Variants in TSHZ1 observed in about 807,000 individuals in gnomAD.
TSHZ1 encodes the protein teashirt zinc finger homeobox 1.
In TSHZ1, 12 loss-of-function variants were observed where a neutral mutation model predicts 67.1. The ratio of observed to expected loss-of-function variants is 0.18; its 90% CI spans 0.11 to 0.29. The LOEUF (loss-of-function observed/expected upper bound fraction) is 0.29, where lower values mean the gene tolerates loss of function less well. TSHZ1 is among the 10% of genes least tolerant of loss of function. The pLI, the probability that TSHZ1 is intolerant of heterozygous loss-of-function variation, is 1.00. For missense variants in TSHZ1, 1,305 were observed against 1,413.9 expected (o/e 0.92, Z 1.23); for synonymous variants, 632 against 622.4 (o/e 1.02, Z -0.23).
intron 1 of TSHZ1, among the ~76,000 whole-genome samples, chr18:75,234,994 T>A (rs1400283180): frequency 6.6e-6 from 1 of 152,206 alleles, no homozygotes; most frequent in Non-Finnish European, 1.5e-5. Flanking sequence ...TCATTAGTTT[T>A]TCTTTTTTTC....
chr18:75,236,815 C>T (rs1167152717), intron 1 of TSHZ1, among the ~76,000 whole-genome samples: 1 of 152,096 alleles, frequency 6.6e-6, no homozygotes, highest in Non-Finnish European at 1.5e-5. Flanking sequence ...TAGAGTGAGG[C>T]TTACGGAATT....
chr18:75,275,945 C>T (rs1376050980), intron 1 of TSHZ1, among the ~76,000 whole-genome samples: 5 of 152,184 alleles, frequency 3.3e-5, no homozygotes, highest in African/African-American at 1.2e-4. Context: ...TTTTAAGATT[C>T]TCATATAATG....
At chr18:75,279,839 T>C (rs1268550267) in intron 1 of TSHZ1, among the ~76,000 whole-genome samples, 1 of 152,268 alleles carries the variant, frequency 6.6e-6, no homozygotes, top group Non-Finnish European at 1.5e-5. Flanking sequence ...GACTGCTGGC[T>C]GTGGCTGTGG....
At chr18:75,213,821 C>T (rs774937921) in intron 1 of TSHZ1, among the ~76,000 whole-genome samples, 17 of 151,938 alleles carry the variant, frequency 1.1e-4, no homozygotes, top group Admixed American at 6.6e-5. Flanking sequence ...CTTAGTGTTT[C>T]CATTCTTTCC....
At chr18:75,273,652 T>C (rs1162023860) in intron 1 of TSHZ1, among the ~76,000 whole-genome samples, 1 of 152,232 alleles carries the variant, frequency 6.6e-6, no homozygotes, top group Admixed American at 6.5e-5. Context: ...TCACACATTG[T>C]TGGTGTCATA....
chr18:75,232,520 T>G (rs1251889123), intron 1 of TSHZ1, among the ~76,000 whole-genome samples: 1 of 152,240 alleles, frequency 6.6e-6, no homozygotes, highest in African/African-American at 2.4e-5. Context: ...GAGAGATATA[T>G]ATATCTTATT....
chr18:75,225,447 G>T (rs1055619414), intron 1 of TSHZ1, among the ~76,000 whole-genome samples: 1 of 152,208 alleles, frequency 6.6e-6, no homozygotes, highest in Non-Finnish European at 1.5e-5. Context: ...GCCTGTCCAC[G>T]CCGCTTTCTT....
At chr18:75,223,072 C>G (rs2022870069) in intron 1 of TSHZ1, among the ~76,000 whole-genome samples, 1 of 152,174 alleles carries the variant, frequency 6.6e-6, no homozygotes, top group African/African-American at 2.4e-5. Flanking sequence ...TACTTGATAT[C>G]TCATGATGGG....
chr18:75,240,496 C>T (rs146166476), intron 1 of TSHZ1, among the ~76,000 whole-genome samples: 1,999 of 152,256 alleles, frequency 0.013, 17 homozygotes, highest in South Asian at 0.022. Context: ...GTGCCGCGTC[C>T]TGCAGTGGGT....
chr18:75,286,195 T>C lies in TSHZ1; in HGVS notation c.788T>C (p.Val263Ala). ...AAYDTLVELT[V>A]HMNETGHYRD... is the part of the protein sequence containing the mutation. ...TACGACACGCTGGTGGAACTGACGG[T>C]GCACATGAACGAGACAGGCCACTAC... is the stretch of plus-strand genomic sequence containing the variant. Residue 263 changes from valine to alanine, a missense_variant, in exon 2 of 2, where the codon GTG becomes GCG. Around this residue, in one of 3 missense-constraint regions of TSHZ1, gnomAD observed 358 missense variants for 375.6 expected, o/e 0.95. Transcript: ENST00000580243. This position sits in a 1 kb window ranked among gnomAD's most constrained non-coding sequence, Gnocchi z 5.1. The C allele has an allele frequency of 6.2e-7, 1 of 1,613,538 alleles. No homozygotes were observed. The highest frequency in any genetic ancestry group is 8.5e-7 in the Non-Finnish European group (1 of 1,179,850).
Position 75,285,870 on chromosome 18 carries a change from G to GCCCCCCCCCCCCCCCC in TSHZ1, c.468_469insCCCCCCCCCCCCCCCC (p.Thr157ProfsTer68). 3 of 1,581,556 alleles carry GCCCCCCCCCCCCCCCC rather than the reference G, an allele frequency of 1.9e-6. No homozygotes were observed. Among genetic ancestry groups the GCCCCCCCCCCCCCCCC allele is most frequent in the Admixed American group, 1.8e-5 (1 of 56,850 alleles). On this transcript the variant is annotated frameshift_variant, in exon 2 of 2. Transcript: ENST00000580243. LOFTEE classifies it high-confidence loss of function. Reference sequence around the variant, plus strand: ...CGATGCCAGCCAGAAGGAGAGCTCCGCCCCCACCCCCACACCCCCCACCTG... The same window carrying GCCCCCCCCCCCCCCCC: ...CGATGCCAGCCAGAAGGAGAGCTCCGCCCCCCCCCCCCCCCCCCCCCACCCCCACACCCCCCACCTG...
intron 1 of TSHZ1, among the ~76,000 whole-genome samples, chr18:75,218,767 C>G (rs1249996167): frequency 3.3e-5 from 5 of 152,212 alleles, no homozygotes; most frequent in African/African-American, 1.2e-4. Context: ...GGACAAGGCT[C>G]AAGTTCACAA....
At chr18:75,249,528 G>T (rs1232091935) in intron 1 of TSHZ1, among the ~76,000 whole-genome samples, 1 of 151,948 alleles carries the variant, frequency 6.6e-6, no homozygotes. Context: ...CCCTGAAGTA[G>T]GTAGGGGCAG....
intron 1 of TSHZ1, among the ~76,000 whole-genome samples, chr18:75,243,890 A>G (rs762824134): frequency 3.3e-5 from 5 of 152,176 alleles, no homozygotes; most frequent in Non-Finnish European, 5.9e-5. Flanking sequence ...ATAACACAAC[A>G]TGTACGTCCT....
intron 1 of TSHZ1, among the ~76,000 whole-genome samples, chr18:75,238,069 G>A (rs1486300534): frequency 1.3e-5 from 2 of 152,150 alleles, no homozygotes; most frequent in South Asian, 2.1e-4. Context: ...CCAAAGTGCT[G>A]GGATTACAAG....
chr18:75,279,518 G>A (rs1263257445), intron 1 of TSHZ1, among the ~76,000 whole-genome samples: 1 of 152,166 alleles, frequency 6.6e-6, no homozygotes, highest in African/African-American at 2.4e-5. Context: ...CCTCCCATGG[G>A]AAGGCTGGAT....
intron 1 of TSHZ1, among the ~76,000 whole-genome samples, chr18:75,280,975 C>A (rs1285452823): frequency 6.6e-6 from 1 of 152,130 alleles, no homozygotes; most frequent in Admixed American, 6.5e-5. Context: ...ACTGGGCACT[C>A]CCCTGCAGGG....
chr18:75,239,634 G>A (rs72969719), intron 1 of TSHZ1, among the ~76,000 whole-genome samples: 9,829 of 152,192 alleles, frequency 0.065, 459 homozygotes, highest in East Asian at 0.25. Context: ...CCATGTAGCT[G>A]GGACCGCAGA....
At chr18:75,249,109 C>A (rs1025511160) in intron 1 of TSHZ1, among the ~76,000 whole-genome samples, 3 of 152,150 alleles carry the variant, frequency 2.0e-5, no homozygotes, top group East Asian at 1.9e-4. Context: ...TCCTGCCTAC[C>A]CGGGGCTCTG....
Sources: allele counts gnomAD v4.1 joint callset (sites outside exome capture counted in the v4.1 genomes callset), GRCh38; gene constraint gnomAD v4.1.1; regional missense constraint gnomAD v4.1.1; non-coding constraint Gnocchi (gnomAD v3.1); transcripts MANE v1.5; gene names NCBI Gene and HGNC (gene_info 2026-07-23, HGNC 2026-07-21).